SMARCA2: variants seen among roughly 807,000 people sequenced by gnomAD.
The protein encoded by SMARCA2 is SWI/SNF-related matrix-associated actin-dependent regulator of chromatin subfamily A member 2.
SMARCA2 carries 61 observed loss-of-function variants against 199.8 expected under a neutral mutation model. That is an observed-to-expected ratio of 0.31 (90% CI 0.25 to 0.38). SMARCA2 has a LOEUF of 0.38. SMARCA2 is among the 10% of genes least tolerant of loss of function. The pLI is 1.00. For missense variants in SMARCA2, 1,344 were observed against 2,012.2 expected, an observed-to-expected ratio of 0.67 and a Z score of 6.35; for synonymous variants, 935 against 732.0, an observed-to-expected ratio of 1.28 and a Z score of -4.48.
At chr9:2,035,917 G>A (rs571221696) in intron 3 of SMARCA2, among the ~76,000 whole-genome samples, 1 of 152,256 alleles carries the variant, frequency 6.6e-6, no homozygotes, top group South Asian at 2.1e-4. Context: ...CTTGGTAATA[G>A]CACGTGTCTT....
chr9:2,118,982 A>G (rs1823335246), intron 25 of SMARCA2, among the ~76,000 whole-genome samples: 1 of 152,200 alleles, frequency 6.6e-6, no homozygotes, highest in South Asian at 2.1e-4. Context: ...AGTGCCTAGT[A>G]ACAAGGTTTC....
chr9:2,059,061 A>T (rs1264014941), intron 8 of SMARCA2, among the ~76,000 whole-genome samples: 2 of 152,224 alleles, frequency 1.3e-5, no homozygotes, highest in Non-Finnish European at 1.5e-5. Flanking sequence ...TTTAATGGGC[A>T]TATAAGCACA....
At position 2,170,187 on chromosome 9, in the gene SMARCA2, G is replaced by A. The variant is rs775394351; in HGVS notation, c.4200-232G>A. Reference sequence around the variant, plus strand: ...GGTAACAGGAATTTCTGTGTGTGACGGAAGTAGGAAAATCCCAGAAAGGTT... The same window carrying A: ...GGTAACAGGAATTTCTGTGTGTGACAGAAGTAGGAAAATCCCAGAAAGGTT... On this transcript the variant is annotated intron_variant, in intron 28 of 33. Coordinates refer to ENST00000349721, the MANE Select transcript of SMARCA2 (RefSeq NM_003070.5). The surrounding 1 kb of genome is among the most constrained non-coding windows in gnomAD (Gnocchi z 4.7). Among the ~76,000 whole-genome samples, 23 of 152,200 alleles carry A rather than the reference G, an allele frequency of 1.5e-4. No individual in the cohort carries two copies. The highest frequency in any genetic ancestry group is 3.9e-4 in the East Asian group (2 of 5,180).
chr9:2,076,812 A>G (rs1029443987), intron 13 of SMARCA2, among the ~76,000 whole-genome samples: 1 of 151,694 alleles, frequency 6.6e-6, no homozygotes, highest in African/African-American at 2.4e-5. Context: ...CAGTCCCTGA[A>G]CCCTCTCCAG....
intron 13 of SMARCA2, among the ~76,000 whole-genome samples, chr9:2,077,342 C>T (rs562598834): frequency 2.0e-4 from 31 of 152,280 alleles, no homozygotes; most frequent in African/African-American, 7.5e-4. Context: ...GGCCTGCATT[C>T]GAATCCTGGT....
At chr9:2,146,914 T>G (rs1012476332) in intron 27 of SMARCA2, among the ~76,000 whole-genome samples, 4 of 152,210 alleles carry the variant, frequency 2.6e-5, no homozygotes, top group Non-Finnish European at 4.4e-5. Flanking sequence ...GCAAGGTCTT[T>G]ATGACCTGTA....
At chr9:2,026,863 T>C (rs949273376) in intron 1 of SMARCA2, among the ~76,000 whole-genome samples, 1 of 152,148 alleles carries the variant, frequency 6.6e-6, no homozygotes, top group Non-Finnish European at 1.5e-5. Flanking sequence ...AAAAGTTCCG[T>C]CTGCTTTGTT....
intron 9 of SMARCA2, among the ~76,000 whole-genome samples, chr9:2,069,872 G>C (rs937274780): frequency 6.6e-6 from 1 of 152,120 alleles, no homozygotes; most frequent in Non-Finnish European, 1.5e-5. Context: ...TGTTACAGTT[G>C]ATCCTGTCAC....
chr9:2,180,093 G>T (rs997345930), intron 29 of SMARCA2, among the ~76,000 whole-genome samples: 1 of 152,178 alleles, frequency 6.6e-6, no homozygotes, highest in African/African-American at 2.4e-5. Flanking sequence ...GAGATGTGAG[G>T]GGTAGGGGTG....
intron 25 of SMARCA2, among the ~76,000 whole-genome samples, chr9:2,117,488 T>A (rs1336876913): frequency 5.3e-5 from 8 of 152,244 alleles, no homozygotes; most frequent in Non-Finnish European, 1.2e-4. Flanking sequence ...GTGATTTTTT[T>A]GTTGTTTATA....
intron 1 of SMARCA2, among the ~76,000 whole-genome samples, chr9:2,020,955 T>C (rs992478000): frequency 1.3e-5 from 2 of 152,226 alleles, no homozygotes; most frequent in African/African-American, 2.4e-5. Flanking sequence ...TACATTATTA[T>C]ATAATTGAAG....
intron 5 of SMARCA2, chr9:2,047,691 G>A (rs538730017): frequency 2.5e-6 from 1 of 392,428 alleles, no homozygotes; most frequent in East Asian, 4.7e-5. Flanking sequence ...GGGACTTCCT[G>A]TGGACCCGAG....
chr9:2,137,844 C>T (rs1563794636), intron 27 of SMARCA2, among the ~76,000 whole-genome samples: 1 of 152,152 alleles, frequency 6.6e-6, no homozygotes, highest in Non-Finnish European at 1.5e-5. Context: ...GCCCCATATC[C>T]TTTTGGCAAA....
intron 23 of SMARCA2, among the ~76,000 whole-genome samples, chr9:2,107,994 A>C (rs757123575): frequency 2.0e-5 from 3 of 152,172 alleles, no homozygotes; most frequent in Non-Finnish European, 2.9e-5. Context: ...TGTAAGGCAC[A>C]GGGAAAGGTG....
intron 3 of SMARCA2, among the ~76,000 whole-genome samples, chr9:2,037,473 A>G (rs1268577316): frequency 6.6e-6 from 1 of 152,152 alleles, no homozygotes; most frequent in Non-Finnish European, 1.5e-5. Context: ...GTGGAGCAAA[A>G]CCCATTCTTG....
chr9:2,144,279 A>G (rs1824609945), intron 27 of SMARCA2, among the ~76,000 whole-genome samples: 1 of 152,070 alleles, frequency 6.6e-6, no homozygotes. Flanking sequence ...AGAGGGAAAC[A>G]GTTGTGTTTC....
rs1820340754 is a variant in SMARCA2 at position 2,056,066 on chromosome 9, T to C, written c.1174-606T>C. Among the ~76,000 whole-genome samples the C allele has an allele frequency of 6.6e-6, 1 of 152,194 alleles. No homozygotes were observed. The highest frequency in any genetic ancestry group is 1.5e-5 in the Non-Finnish European group (1 of 68,026). On this transcript the variant is annotated intron_variant, in intron 6 of 33. Transcript: ENST00000349721. This position sits in a 1 kb window ranked among gnomAD's most constrained non-coding sequence, Gnocchi z 4.0. ...ACCACCACATAACATGCAATACAGATAAAAGTATTACATTTGTGATCTGAA... is the reference window on the plus strand; with the variant it reads ...ACCACCACATAACATGCAATACAGACAAAAGTATTACATTTGTGATCTGAA...
intron 31 of SMARCA2, among the ~76,000 whole-genome samples, chr9:2,183,895 T>C (rs903453205): frequency 1.3e-5 from 2 of 152,230 alleles, no homozygotes; most frequent in African/African-American, 4.8e-5. Context: ...GGCATTATTA[T>C]GATATACATC....
chr9:2,089,608 T>C (rs1416699535), intron 19 of SMARCA2, among the ~76,000 whole-genome samples: 2 of 152,216 alleles, frequency 1.3e-5, no homozygotes, highest in African/African-American at 4.8e-5. Flanking sequence ...TAAAAATGAC[T>C]TTTATACCAT....
Sources: allele counts gnomAD v4.1 joint callset (sites outside exome capture counted in the v4.1 genomes callset), GRCh38; gene constraint gnomAD v4.1.1; non-coding constraint Gnocchi (gnomAD v3.1); transcripts MANE v1.5; gene names NCBI Gene and HGNC (gene_info 2026-07-23, HGNC 2026-07-21).